MBNL2: variants seen among roughly 807,000 people sequenced by gnomAD.
The protein encoded by MBNL2 is muscleblind like splicing regulator 2.
In MBNL2, 17 loss-of-function variants were observed where a neutral mutation model predicts 41.9. The observed-to-expected ratio is 0.41, with a 90% CI of 0.28 to 0.61. The LOEUF is 0.61. Among genes scored for constraint, MBNL2 ranks in the 20% least tolerant of loss-of-function variants. The pLI is 0.35. For missense variants in MBNL2, 336 were observed against 505.6 expected, an observed-to-expected ratio of 0.66 and a Z score of 3.22; for synonymous variants, 195 against 182.9, an observed-to-expected ratio of 1.07 and a Z score of -0.53.
In MBNL2 at chr13:97,334,518, C is replaced by T. The variant is rs888202590; in HGVS notation, c.339+78C>T. ...ATGATGCCACGTTGACCTAGGGTGGCCTCTCTCCACTTTGTCACTTTGGTT... is the reference window on the plus strand; with the variant it reads ...ATGATGCCACGTTGACCTAGGGTGGTCTCTCTCCACTTTGTCACTTTGGTT... On this transcript the variant is annotated intron_variant, in intron 3 of 8. Transcript: ENST00000679496. This position sits in a 1 kb window ranked among gnomAD's most constrained non-coding sequence, Gnocchi z 5.3. 3.9e-6 allele frequency: 4 copies of T among 1,028,732 alleles called. No homozygotes were observed. Among genetic ancestry groups the T allele is most frequent in the Non-Finnish European group, 5.5e-6 (4 of 728,034 alleles). The allele number at this position is 1,028,732 out of a possible 1,614,324, so 63.7% of individuals were successfully genotyped here.
intron 2 of MBNL2, among the ~76,000 whole-genome samples, chr13:97,282,365 T>A (rs2053606279): frequency 6.6e-6 from 1 of 151,840 alleles, no homozygotes; most frequent in Admixed American, 6.6e-5. Flanking sequence ...AAGAAAAAAA[T>A]AAATAAATAA....
At chr13:97,364,161 C>A (rs1204059798) in intron 7 of MBNL2, among the ~76,000 whole-genome samples, 2 of 152,142 alleles carry the variant, frequency 1.3e-5, no homozygotes, top group Non-Finnish European at 2.9e-5. Context: ...AGTCATGATG[C>A]GTGTATGTTA....
intron 3 of MBNL2, among the ~76,000 whole-genome samples, chr13:97,341,369 C>T (rs184135910): frequency 8.8e-4 from 134 of 152,322 alleles, no homozygotes; most frequent in African/African-American, 3.1e-3. Context: ...AAAATCCTAA[C>T]ATTACATAGT....
chr13:97,251,891 C>T (rs1203423932), intron 1 of MBNL2, among the ~76,000 whole-genome samples: 3 of 135,428 alleles, frequency 2.2e-5, no homozygotes, highest in East Asian at 2.2e-4. Context: ...TCGCCCAGGC[C>T]GGACTGCGGA....
chr13:97,291,954 G>A (rs529771320), intron 2 of MBNL2, among the ~76,000 whole-genome samples: 34 of 141,904 alleles, frequency 2.4e-4, no homozygotes, highest in African/African-American at 8.2e-4. Context: ...TGTAATCCCA[G>A]CACTTCGGGA....
intron 2 of MBNL2, among the ~76,000 whole-genome samples, chr13:97,299,146 T>C (rs188685527): frequency 6.6e-6 from 1 of 152,302 alleles, no homozygotes; most frequent in Admixed American, 6.5e-5. Flanking sequence ...TGGGCATTGA[T>C]GGTTTTTGTT....
intron 8 of MBNL2, among the ~76,000 whole-genome samples, chr13:97,371,499 C>T (rs747950343): frequency 3.3e-5 from 5 of 151,946 alleles, no homozygotes; most frequent in African/African-American, 9.7e-5. Context: ...TCAGAGCATC[C>T]GTTTGTGGGA....
intron 1 of MBNL2, among the ~76,000 whole-genome samples, chr13:97,247,308 C>G (rs2045664933): frequency 6.6e-6 from 1 of 152,164 alleles, no homozygotes; most frequent in African/African-American, 2.4e-5. Flanking sequence ...GCACTTGAAG[C>G]CTGGCTTTAT....
chr13:97,349,614 G>A (rs1248110436), intron 5 of MBNL2, among the ~76,000 whole-genome samples: 6 of 152,080 alleles, frequency 3.9e-5, no homozygotes, highest in South Asian at 2.1e-4. Context: ...TGGAGCCTCC[G>A]CCTCCCAGGT....
At chr13:97,173,101 G>A in the MBNL2 span, among the ~76,000 whole-genome samples, 8 of 152,178 alleles carry the variant, frequency 5.3e-5, no homozygotes, top group Non-Finnish European at 1.2e-4. Context: ...ATATGTGTGT[G>A]TATGTATACA....
intron 2 of MBNL2, among the ~76,000 whole-genome samples, chr13:97,306,196 G>A (rs543572107): frequency 1.3e-5 from 2 of 152,342 alleles, no homozygotes; most frequent in South Asian, 4.1e-4. Flanking sequence ...GATTTCAGAT[G>A]ACAGAATTGT....
At chr13:97,317,592 C>G (rs1354399162) in intron 2 of MBNL2, among the ~76,000 whole-genome samples, 14 of 152,198 alleles carry the variant, frequency 9.2e-5, no homozygotes, top group Middle Eastern at 3.2e-3. Context: ...TGTCTGAAAT[C>G]CAGGTGCCTC....
At chr13:97,278,945 C>T (rs1042139391) in intron 2 of MBNL2, among the ~76,000 whole-genome samples, 1 of 152,154 alleles carries the variant, frequency 6.6e-6, no homozygotes, top group Non-Finnish European at 1.5e-5. Flanking sequence ...GACTTCTTGA[C>T]TTGGTTTCCT....
upstream of MBNL2, chr13:97,222,231 A>G (rs1457764741): frequency 5.1e-6 from 2 of 394,030 alleles, no homozygotes; most frequent in African/African-American, 4.1e-5. Flanking sequence ...TATTAGGGCC[A>G]GTTTCAGACG....
At chr13:97,252,446 T>C (rs2046752545) in intron 1 of MBNL2, among the ~76,000 whole-genome samples, 1 of 152,180 alleles carries the variant, frequency 6.6e-6, no homozygotes, top group South Asian at 2.1e-4. Context: ...TTTATTAAAA[T>C]AGGATTAAAT....
At chr13:97,378,886 ACT>A (rs1174650747) in intron 8 of MBNL2, among the ~76,000 whole-genome samples, 1 of 152,122 alleles carries the variant, frequency 6.6e-6, no homozygotes, top group Non-Finnish European at 1.5e-5. Context: ...ACTCAACATA[ACT>A]CTGTGAAGTT....
At chr13:97,205,647 A>G in the MBNL2 span, among the ~76,000 whole-genome samples, 13 of 152,332 alleles carry the variant, frequency 8.5e-5, no homozygotes, top group South Asian at 1.5e-3. Context: ...CTCATTTGAA[A>G]TACAATCTGT....
chr13:97,165,111 T>G, the MBNL2 span, among the ~76,000 whole-genome samples: 1 of 151,922 alleles, frequency 6.6e-6, no homozygotes. Context: ...GGCTGAGGCA[T>G]GAGAATTGCT....
At chr13:97,255,937 G>A (rs2047441456) in intron 1 of MBNL2, among the ~76,000 whole-genome samples, 1 of 152,190 alleles carries the variant, frequency 6.6e-6, no homozygotes, top group East Asian at 1.9e-4. Context: ...GAATGGATAT[G>A]GTTTGAACTT....
Sources: allele counts gnomAD v4.1 joint callset (sites outside exome capture counted in the v4.1 genomes callset), GRCh38; gene constraint gnomAD v4.1.1; non-coding constraint Gnocchi (gnomAD v3.1); transcripts MANE v1.5; gene names NCBI Gene and HGNC (gene_info 2026-07-23, HGNC 2026-07-21).